Variants in PKN2 observed in about 807,000 individuals in gnomAD.
The protein encoded by PKN2 is protein kinase N2.
PKN2 carries 38 observed loss-of-function variants against 119.1 expected under a neutral mutation model. The observed-to-expected ratio is 0.32, with a 90% CI of 0.25 to 0.42. The LOEUF (loss-of-function observed/expected upper bound fraction) is 0.42, where lower values mean the gene tolerates loss of function less well. Among genes scored for constraint, PKN2 ranks in the 10% least tolerant of loss-of-function variants. The probability of loss-of-function intolerance (pLI) is 1.00; values close to 1 mark genes in which losing one functional copy is unlikely to be tolerated. For missense variants in PKN2, 850 were observed against 1,165.1 expected (o/e 0.73, Z 3.94); for synonymous variants, 390 against 384.9 (o/e 1.01, Z -0.15).
At chr1:88,734,924 T>C (rs1668278195) in intron 1 of PKN2, among the ~76,000 whole-genome samples, 1 of 151,984 alleles carries the variant, frequency 6.6e-6, no homozygotes, top group South Asian at 2.1e-4. Context: ...TAATTTTTGA[T>C]GTCCCATTTT....
intron 1 of PKN2, among the ~76,000 whole-genome samples, chr1:88,715,411 T>A (rs987592226): frequency 1.3e-5 from 2 of 152,186 alleles, no homozygotes; most frequent in African/African-American, 4.8e-5. Flanking sequence ...CTTTTTTTGG[T>A]TGGTAGACTA....
intron 16 of PKN2, among the ~76,000 whole-genome samples, chr1:88,816,164 G>T (rs553729146): frequency 6.6e-6 from 1 of 151,878 alleles, no homozygotes; most frequent in East Asian, 1.9e-4. Context: ...AGAAATCAAG[G>T]TATTTTTATA....
At chr1:88,802,049 A>G (rs1039104449) in intron 8 of PKN2, among the ~76,000 whole-genome samples, 9 of 152,264 alleles carry the variant, frequency 5.9e-5, no homozygotes, top group Non-Finnish European at 1.3e-4. Context: ...CTGTGAGCTA[A>G]GACTTGCCTG....
chr1:88,700,719 T>A (rs971807916), intron 1 of PKN2, among the ~76,000 whole-genome samples: 5 of 152,240 alleles, frequency 3.3e-5, no homozygotes, highest in Non-Finnish European at 7.3e-5. Flanking sequence ...CACGTAAAAC[T>A]ATGATCAAAT....
At chr1:88,826,461 A>G (rs1335270186) in intron 18 of PKN2, among the ~76,000 whole-genome samples, 1 of 152,046 alleles carries the variant, frequency 6.6e-6, no homozygotes, top group Non-Finnish European at 1.5e-5. Context: ...TTTATAGGGT[A>G]GAAGTGCAAT....
intron 1 of PKN2, among the ~76,000 whole-genome samples, chr1:88,721,855 C>T (rs1667692434): frequency 6.6e-6 from 1 of 152,172 alleles, no homozygotes. Flanking sequence ...CTCATGAAAC[C>T]TCCTACCACT....
rs143742958 is a variant in PKN2 at position 88,794,309 on chromosome 1, G to T, written c.1281+8096G>T. On this transcript the variant is annotated intron_variant, in intron 8 of 21. Coordinates refer to ENST00000370521, the MANE Select transcript of PKN2 (RefSeq NM_006256.4). ...TTGAACCCGAGAGGCGGAGGTTGCG[G>T]TGAGCCGAGATCATGCCATTGCACT... Among the ~76,000 whole-genome samples, 762 of 151,540 alleles carry T rather than the reference G, an allele frequency of 5.0e-3. 3 individuals carry two copies. Among genetic ancestry groups the T allele is most frequent in the African/African-American group, 0.017 (717 of 41,184 alleles).
rs188207753 is a variant in PKN2 at position 88,788,276 on chromosome 1, G to A, written c.1281+2063G>A. Among the ~76,000 whole-genome samples the A allele has an allele frequency of 3.3e-5, 5 of 152,246 alleles. No homozygotes were observed. In the East Asian group the frequency reaches 5.8e-4, roughly 18 times the overall value. On this transcript the variant is annotated intron_variant, in intron 8 of 21. Transcript: ENST00000370521. ...GTGTTCTGCAGAATTGTCTCAGGAC[G>A]CAACACAGTCTTTTGTGTTGTTTTG...
intron 1 of PKN2, among the ~76,000 whole-genome samples, chr1:88,728,993 C>G (rs1668016266): frequency 6.6e-6 from 1 of 150,634 alleles, no homozygotes; most frequent in Admixed American, 6.6e-5. Context: ...CTCCTGGGTT[C>G]AAGCGATTCT....
At chr1:88,694,265 T>C (rs1188327987) in intron 1 of PKN2, among the ~76,000 whole-genome samples, 1 of 152,204 alleles carries the variant, frequency 6.6e-6, no homozygotes, top group Non-Finnish European at 1.5e-5. Context: ...TTCTCTGTGT[T>C]CTACCTATTC....
At chr1:88,817,937 CTGTT>C (rs911737954) in intron 16 of PKN2, among the ~76,000 whole-genome samples, 11 of 152,264 alleles carry the variant, frequency 7.2e-5, no homozygotes, top group Admixed American at 6.5e-4. Context: ...CAAATTGTCT[CTGTT>C]TGGAGATGAC....
intron 1 of PKN2, among the ~76,000 whole-genome samples, chr1:88,694,252 T>G (rs978565084): frequency 6.6e-6 from 1 of 152,168 alleles, no homozygotes; most frequent in Non-Finnish European, 1.5e-5. Context: ...TGCACTAAGC[T>G]TATTCTCTGT....
At chr1:88,779,891 C>G (rs1336314992) in intron 6 of PKN2, among the ~76,000 whole-genome samples, 1 of 152,188 alleles carries the variant, frequency 6.6e-6, no homozygotes, top group African/African-American at 2.4e-5. Flanking sequence ...ACCTGGGATA[C>G]CAAAGTGAAT....
intron 1 of PKN2, among the ~76,000 whole-genome samples, chr1:88,711,720 C>A (rs561575725): frequency 1.3e-5 from 2 of 152,186 alleles, no homozygotes; most frequent in East Asian, 1.9e-4. Context: ...GAAATGTGAT[C>A]ATTTATATTG....
intron 1 of PKN2, among the ~76,000 whole-genome samples, chr1:88,688,426 A>G (rs1011719624): frequency 6.6e-6 from 1 of 152,174 alleles, no homozygotes; most frequent in African/African-American, 2.4e-5. Context: ...CTGGGGAACT[A>G]TAAATGTTTT....
At chr1:88,754,391 A>T (rs572016539) in intron 2 of PKN2, among the ~76,000 whole-genome samples, 2 of 152,330 alleles carry the variant, frequency 1.3e-5, no homozygotes, top group African/African-American at 4.8e-5. Context: ...ATAGTCGCAG[A>T]GGAAAAACAG....
chr1:88,707,067 G>T (rs951669640), intron 1 of PKN2, among the ~76,000 whole-genome samples: 9 of 151,654 alleles, frequency 5.9e-5, no homozygotes, highest in African/African-American at 2.2e-4. Context: ...CTTAATGTTG[G>T]TCAGAAGTAG....
At chr1:88,765,628 T>A (rs1557596419) in intron 3 of PKN2, among the ~76,000 whole-genome samples, 1 of 152,186 alleles carries the variant, frequency 6.6e-6, no homozygotes, top group Non-Finnish European at 1.5e-5. Flanking sequence ...TGGAAGTGGT[T>A]AAGTTGTTGT....
At chr1:88,781,243 G>C in intron 6 of PKN2, 1 of 919,338 alleles carries the variant, frequency 1.1e-6, no homozygotes, top group Non-Finnish European at 1.5e-6. Context: ...TTTTGTGGTT[G>C]TATGATTATA....
Sources: allele counts gnomAD v4.1 joint callset (sites outside exome capture counted in the v4.1 genomes callset), GRCh38; gene constraint gnomAD v4.1.1; transcripts MANE v1.5; gene names NCBI Gene and HGNC (gene_info 2026-07-23, HGNC 2026-07-21).